Variants in SEC16B observed in about 807,000 individuals in gnomAD.
The protein encoded by SEC16B is protein transport protein Sec16B.
In SEC16B, 115 loss-of-function variants were observed where a neutral mutation model predicts 141.8. The observed-to-expected ratio is 0.81, with a 90% CI of 0.70 to 0.95. SEC16B has a LOEUF of 0.95. Ranked by LOEUF, SEC16B falls within the 40% of genes least tolerant of loss-of-function variation. The pLI is 0.00. For missense variants in SEC16B, 1,291 were observed against 1,312.3 expected (o/e 0.98, Z 0.25); for synonymous variants, 493 against 492.5 (o/e 1.00, Z -0.01).
chr1:177,980,710 T>A (rs1455022990), intron 1 of SEC16B, among the ~76,000 whole-genome samples: 1 of 147,158 alleles, frequency 6.8e-6, no homozygotes, highest in Non-Finnish European at 1.5e-5. Context: ...GAGAAGCAGA[T>A]GTAATGCAAA....
intron 10 of SEC16B, among the ~76,000 whole-genome samples, chr1:177,954,849 C>T (rs1213496656): frequency 2.6e-5 from 4 of 151,792 alleles, no homozygotes; most frequent in Non-Finnish European, 5.9e-5. Context: ...TATATCATGT[C>T]GTATACCACA....
chr1:177,970,184 A>T (rs1368426692), upstream of SEC16B: 1 of 152,250 alleles, frequency 6.6e-6, no homozygotes, highest in African/African-American at 2.4e-5. Context: ...AGCCAGGTTC[A>T]CTCACATGAG....
intron 15 of SEC16B, 110 bp downstream of exon 15, chr1:177,944,451 T>C: frequency 1.3e-6 from 1 of 779,646 alleles, no homozygotes; most frequent in Non-Finnish European, 2.2e-6. Context: ...GAGGAAAAGT[T>C]CAGTAGATAA....
Position 177,932,726 on chromosome 1 carries a change from C to T in SEC16B, c.2904G>A (p.Pro968=), listed in dbSNP as rs372958468. Residue 968 remains proline, a synonymous_variant, in exon 23 of 26, where the codon CCG becomes CCA. Transcript: ENST00000308284. ...LTPSPESPPL[P]DVSAFSRGRG... is the part of the protein sequence containing the mutation. ...TGCCCCTGGAGAAGGCACTAACATCCGGCAGAGGTGGGGACTCAGGGGAAG... is the reference window on the plus strand; with the variant it reads ...TGCCCCTGGAGAAGGCACTAACATCTGGCAGAGGTGGGGACTCAGGGGAAG... 8.1e-6 allele frequency: 13 copies of T among 1,603,458 alleles called. No homozygotes were observed. The highest frequency in any genetic ancestry group is 3.3e-4 in the Middle Eastern group (2 of 6,018).
intron 2 of SEC16B, 96 bp downstream of exon 2, chr1:177,967,587 G>A (rs1244612028): frequency 1.5e-5 from 19 of 1,281,638 alleles, no homozygotes; most frequent in Middle Eastern, 2.0e-4. Flanking sequence ...AAAGAAAAAA[G>A]GGGGAGAAAA....
chr1:177,938,714 T>A (rs903936352), intron 18 of SEC16B, among the ~76,000 whole-genome samples: 1 of 152,214 alleles, frequency 6.6e-6, no homozygotes, highest in Non-Finnish European at 1.5e-5. Flanking sequence ...ACTCCACACC[T>A]TTTTATTTTT....
rs1228680894 is a variant in SEC16B at position 177,932,566 on chromosome 1, C to T, written c.2936G>A (p.Gly979Glu). The T allele has an allele frequency of 1.9e-6, 3 of 1,557,374 alleles. No individual in the cohort carries two copies. Among genetic ancestry groups the T allele is most frequent in the Non-Finnish European group, 2.6e-6 (3 of 1,151,942 alleles). ...GGATGCGGATCCTCGGCCTTCACCC[C>T]CACCTGGAAAGTAATGAGGCAGAGC... ...DVSAFSRGRG[G>E]GEGRGSASSG... is the part of the protein sequence containing the mutation. The change falls in exon 24 of 26, where the codon GGG (glycine) becomes GAG (glutamate). Residue 979 changes from glycine to glutamate, a missense_variant. Gly to Glu is a moderately conservative substitution (Grantham distance 98, BLOSUM62 -2). Transcript: ENST00000308284.
At chr1:177,953,207 T>C (rs1652341230) in intron 11 of SEC16B, among the ~76,000 whole-genome samples, 1 of 152,038 alleles carries the variant, frequency 6.6e-6, no homozygotes, top group South Asian at 2.1e-4. Context: ...GGTTTCACCA[T>C]GTTGGCCAAG....
At chr1:177,933,744 C>T in intron 20 of SEC16B, 108 bp from the exon 21 acceptor site, 1 of 1,109,450 alleles carries the variant, frequency 9.0e-7, no homozygotes, top group Non-Finnish European at 1.3e-6. Context: ...GGACTGTTGT[C>T]TCAGGATCAT....
At chr1:177,939,449 C>T (rs527474264) in intron 18 of SEC16B, among the ~76,000 whole-genome samples, 2 of 152,180 alleles carry the variant, frequency 1.3e-5, no homozygotes, top group East Asian at 1.9e-4. Context: ...CAGTGCAACA[C>T]AAAAAACACT....
intron 12 of SEC16B, 69 bp from the exon 13 acceptor site, chr1:177,948,011 T>A: frequency 8.1e-7 from 1 of 1,231,536 alleles, no homozygotes. Context: ...AAGAAGGCTG[T>A]TGTCTATTTC....
chr1:177,944,661 T>C lies in SEC16B; in HGVS notation c.1781A>G (p.Glu594Gly). 1 of 1,613,096 alleles carries C rather than the reference T, an allele frequency of 6.2e-7. No homozygotes were observed. Among genetic ancestry groups the C allele is most frequent in the Non-Finnish European group, 8.5e-7 (1 of 1,179,228 alleles). Residue 594 changes from glutamate (E) to glycine (G), a missense_variant, in exon 15 of 26, where the codon GAG (glutamate) becomes GGG (glycine). Transcript: ENST00000308284. ...CTCAGTTGTTGCAAATTTCAAAAAC[T>C]CTTGACTAAAACCAGAGAATAACAA... is the stretch of plus-strand genomic sequence containing the variant. The part of the protein sequence containing the change: ...LVLLGSSHSQ[E>G]FLKFATTEAI...
At position 177,964,186 on chromosome 1, in the gene SEC16B, C is replaced by T. The variant is rs1373328421; in HGVS notation, c.627G>A (p.Glu209=). 6.2e-7 allele frequency: 1 copy of T among 1,613,004 alleles called. No homozygotes were observed. Among genetic ancestry groups the T allele is most frequent in the South Asian group, 1.1e-5 (1 of 90,968 alleles). ...TTTAGGTTACCTTATTTTTCTGGGCCTCAGCAAGCAGGCTCCCTGGAAACA... is the reference window on the plus strand; with the variant it reads ...TTTAGGTTACCTTATTTTTCTGGGCTTCAGCAAGCAGGCTCCCTGGAAACA... ...GELFPGSLLA[E]AQKNKPSLAS... is the part of the protein sequence containing the mutation. Residue 209 remains glutamate, a synonymous_variant, in exon 5 of 26, where the codon GAG becomes GAA. Coordinates refer to ENST00000308284, the MANE Select transcript of SEC16B (RefSeq NM_033127.4).
chr1:177,945,087 C>T (rs2101930255), intron 14 of SEC16B, among the ~76,000 whole-genome samples: 1 of 152,228 alleles, frequency 6.6e-6, no homozygotes, highest in South Asian at 2.1e-4. Context: ...CAAACTCGCA[C>T]AAAAGAGGGG....
intron 24 of SEC16B, among the ~76,000 whole-genome samples, chr1:177,931,481 C>T (rs580294): frequency 0.57 from 87,315 of 152,044 alleles, 25,256 homozygotes; most frequent in East Asian, 0.75. Flanking sequence ...CCCACATCCA[C>T]GCCAACACTA....
In SEC16B at chr1:177,930,546, T is replaced by C. The variant is rs757142232; in HGVS notation, c.3110A>G (p.Gln1037Arg). ...CCCTCCCCCTGAGGGCTTCCTTACC[T>C]GAGGCACCTGAGATGGGTTGTAAAG... is the stretch of plus-strand genomic sequence containing the variant. ...VPLYNPSQVP[Q>R]LPTATSLNRP... Residue 1037 changes from glutamine to arginine, a missense_variant and splice_region_variant, in exon 25 of 26, where the codon CAG (glutamine) becomes CGG (arginine). This residue lies in a region of SEC16B where 605 missense variants were observed against 614.1 expected (regional missense o/e 0.99). Coordinates refer to ENST00000308284, the MANE Select transcript of SEC16B (RefSeq NM_033127.4). 4 of 1,612,202 alleles carry C rather than the reference T, an allele frequency of 2.5e-6. No homozygotes were observed. The highest frequency in any genetic ancestry group is 3.4e-6 in the Non-Finnish European group (4 of 1,178,798).
At chr1:177,941,157 T>G (rs1441285700) in intron 16 of SEC16B, among the ~76,000 whole-genome samples, 1 of 152,250 alleles carries the variant, frequency 6.6e-6, no homozygotes, top group African/African-American at 2.4e-5. Context: ...AATGTTACTT[T>G]GTATTTCAAG....
upstream of SEC16B, among the ~76,000 whole-genome samples, chr1:177,974,444 A>G (rs1291008503): frequency 3.9e-5 from 6 of 152,230 alleles, no homozygotes; most frequent in Non-Finnish European, 8.8e-5. Flanking sequence ...AAAGATGGGC[A>G]GATAACCAGA....
Position 177,929,944 on chromosome 1 carries a change from C to A in SEC16B, c.3112-15G>T. On this transcript the variant is annotated splice_polypyrimidine_tract_variant and intron_variant, in intron 25 of 25. Coordinates refer to ENST00000308284, the MANE Select transcript of SEC16B (RefSeq NM_033127.4). ...GCCGTGGGCAGCTGGAAAAGAAGAA[C>A]AAATATTACACTGAGTACAGCCCCA... 1.9e-6 allele frequency: 3 copies of A among 1,612,960 alleles called. No individual in the cohort carries two copies. In the South Asian group the frequency reaches 3.3e-5, roughly 18 times the overall value.
Sources: gnomAD v4.1 joint callset for allele counts (sites outside exome capture counted in the v4.1 genomes callset) on GRCh38, gnomAD v4.1.1 for gene constraint, gnomAD v4.1.1 regional missense constraint, MANE v1.5 for transcripts, NCBI Gene and HGNC (gene_info 2026-07-23, HGNC 2026-07-21) for gene names.